MYO10: variants seen among roughly 807,000 people sequenced by gnomAD.
MYO10 encodes unconventional myosin-X.
In MYO10, 133 loss-of-function variants were observed where a neutral mutation model predicts 257.3. That is an observed-to-expected ratio of 0.52 (90% CI 0.45 to 0.60). MYO10 has a LOEUF of 0.60. Among genes scored for constraint, MYO10 ranks in the 20% least tolerant of loss-of-function variants. The pLI, the probability that MYO10 is intolerant of heterozygous loss-of-function variation, is 0.00. For synonymous variants in MYO10, 1,104 were observed against 1,028.6 expected, an observed-to-expected ratio of 1.07 and a Z score of -1.40; for missense variants, 2,399 against 2,635.7, an observed-to-expected ratio of 0.91 and a Z score of 1.97.
chr5:16,915,047 G>A (rs190745361), intron 1 of MYO10, among the ~76,000 whole-genome samples: 270 of 152,316 alleles, frequency 1.8e-3, no homozygotes, highest in South Asian at 2.7e-3. Context: ...TCAAAGCTGG[G>A]CAAGGGACTT....
chr5:16,858,170 A>G (rs991431129), intron 2 of MYO10, among the ~76,000 whole-genome samples: 3 of 152,180 alleles, frequency 2.0e-5, no homozygotes, highest in Non-Finnish European at 2.9e-5. Flanking sequence ...CTGTGTTCCA[A>G]TATAACTTTA....
chr5:16,677,122 GA>G (rs1736763865), intron 33 of MYO10, among the ~76,000 whole-genome samples: 1 of 151,968 alleles, frequency 6.6e-6, no homozygotes, highest in Admixed American at 6.6e-5. Flanking sequence ...ATCTGGATAT[GA>G]AAAAAACAAA....
intron 2 of MYO10, among the ~76,000 whole-genome samples, chr5:16,867,883 T>C (rs1236922915): frequency 6.6e-6 from 1 of 152,134 alleles, no homozygotes; most frequent in Non-Finnish European, 1.5e-5. Flanking sequence ...ATGGAGGAGG[T>C]TGTCTACTTG....
chr5:16,773,799 A>G (rs31568), intron 9 of MYO10, among the ~76,000 whole-genome samples: 20,354 of 145,602 alleles, frequency 0.14, 1,404 homozygotes, highest in South Asian at 0.16. Flanking sequence ...GAAGATATGT[A>G]AGCAAATGAA....
In MYO10 at chr5:16,901,183, C is replaced by G. The variant is rs983016021; in HGVS notation, c.22-23476G>C. The stretch of plus-strand genomic sequence containing the variant: ...CTCACCCAGGCTGAGCTCATTCTCA[C>G]CCCAGCCTGTTGCTTTGCCAGCAAC... On this transcript the variant is annotated intron_variant, in intron 1 of 40. Transcript: ENST00000513610. Among the ~76,000 whole-genome samples, 7 of 152,270 alleles carry G rather than the reference C, an allele frequency of 4.6e-5. No individual in the cohort carries two copies. The South Asian group carries it at 1.5e-3, about 32-fold the overall frequency.
At chr5:16,713,594 T>G (rs752245887) in intron 19 of MYO10, 66 of 732,200 alleles carry the variant, frequency 9.0e-5, no homozygotes, top group Non-Finnish European at 1.1e-4. Context: ...AGATCCAGGC[T>G]CCCATTGCGA....
chr5:16,691,132 AG>A (rs1737481478), intron 27 of MYO10, among the ~76,000 whole-genome samples: 1 of 151,810 alleles, frequency 6.6e-6, no homozygotes, highest in Non-Finnish European at 1.5e-5. Flanking sequence ...TAGCTGGGTG[AG>A]GTGGCAGGTA....
intron 3 of MYO10, among the ~76,000 whole-genome samples, chr5:16,817,053 C>T (rs1037256405): frequency 3.9e-5 from 6 of 152,022 alleles, no homozygotes; most frequent in African/African-American, 1.4e-4. Context: ...CTCCAGACCT[C>T]GTGATCCGCC....
intron 19 of MYO10, among the ~76,000 whole-genome samples, chr5:16,741,084 T>G (rs762930567): frequency 6.6e-6 from 1 of 152,204 alleles, no homozygotes; most frequent in South Asian, 2.1e-4. Context: ...AGCAACTGAA[T>G]AGACATCAAC....
intron 2 of MYO10, among the ~76,000 whole-genome samples, chr5:16,850,872 G>C (rs1743781531): frequency 6.6e-6 from 1 of 152,068 alleles, no homozygotes; most frequent in Admixed American, 6.6e-5. Flanking sequence ...CATGATCTCA[G>C]CTCACTGCTA....
At chr5:16,767,532 T>G (rs1740909171) in intron 10 of MYO10, among the ~76,000 whole-genome samples, 1 of 152,126 alleles carries the variant, frequency 6.6e-6, no homozygotes. Flanking sequence ...TAAGACAATG[T>G]GACTATCCTT....
At chr5:16,907,981 C>T (rs1745560332) in intron 1 of MYO10, among the ~76,000 whole-genome samples, 1 of 152,194 alleles carries the variant, frequency 6.6e-6, no homozygotes. Context: ...GCCTGTAATC[C>T]CAACACTTTG....
intron 1 of MYO10, among the ~76,000 whole-genome samples, chr5:16,926,296 T>C (rs1746130083): frequency 6.6e-6 from 1 of 152,248 alleles, no homozygotes; most frequent in Middle Eastern, 3.2e-3. Context: ...ATCTATCATA[T>C]GCAATCTCAT....
chr5:16,707,962 A>C (rs1454584825), intron 21 of MYO10, among the ~76,000 whole-genome samples: 3 of 152,220 alleles, frequency 2.0e-5, no homozygotes, highest in African/African-American at 4.8e-5. Context: ...CCTTTACCAG[A>C]AGACCAGAAG....
At chr5:16,887,584 G>C (rs1395823523) in intron 1 of MYO10, among the ~76,000 whole-genome samples, 1 of 152,164 alleles carries the variant, frequency 6.6e-6, no homozygotes, top group Non-Finnish European at 1.5e-5. Context: ...TCTGCCTTCT[G>C]GGTTCAAGTG....
At chr5:16,935,229 T>G (rs919967276) in intron 1 of MYO10, among the ~76,000 whole-genome samples, 1 of 152,018 alleles carries the variant, frequency 6.6e-6, no homozygotes, top group African/African-American at 2.4e-5. Context: ...GATCCCAGGG[T>G]CTGGAGTTAT....
Position 16,758,974 on chromosome 5 carries a change from T to G in MYO10, c.1740-748A>C, listed in dbSNP as rs1457943192. On this transcript the variant is annotated intron_variant, in intron 17 of 40. Transcript: ENST00000513610. ...TTTCGCTCTTTCACCCAGGCTGGAG[T>G]GCAGTGGTGCGATCTCGGCTCACTG... Among the ~76,000 whole-genome samples, 3 of 151,934 alleles carry G rather than the reference T, an allele frequency of 2.0e-5. No homozygotes were observed. The East Asian group carries it at 5.8e-4, about 29-fold the overall frequency.
chr5:16,902,277 T>C, intron 1 of MYO10: 1 of 785,656 alleles, frequency 1.3e-6, no homozygotes, highest in Non-Finnish European at 2.3e-6. Flanking sequence ...GTCTTCAGTC[T>C]TTAAGAACTC....
chr5:16,903,609 A>C (rs10520847), intron 1 of MYO10, among the ~76,000 whole-genome samples: 28,229 of 152,178 alleles, frequency 0.19, 2,722 homozygotes, highest in East Asian at 0.33. Context: ...AATAAGCATC[A>C]GTCCACAAAG....
Sources: gnomAD v4.1 joint callset for allele counts (sites outside exome capture counted in the v4.1 genomes callset) on GRCh38, gnomAD v4.1.1 for gene constraint, MANE v1.5 for transcripts, NCBI Gene and HGNC (gene_info 2026-07-23, HGNC 2026-07-21) for gene names.